SRSF11: variants seen among roughly 807,000 people sequenced by gnomAD.
SRSF11 encodes serine and arginine rich splicing factor 11.
Under a neutral mutation model 56.0 loss-of-function variants are expected in SRSF11, and 9 were observed. The ratio of observed to expected loss-of-function variants is 0.16; its 90% confidence interval spans 0.10 to 0.28. The LOEUF (loss-of-function observed/expected upper bound fraction) is 0.28, where lower values mean the gene tolerates loss of function less well. Ranked by LOEUF, SRSF11 falls within the 10% of genes least tolerant of loss-of-function variation. SRSF11 has a pLI of 1.00. For synonymous variants in SRSF11, 222 were observed against 215.3 expected (o/e 1.03, Z -0.27); for missense variants, 421 against 600.7 (o/e 0.70, Z 3.13).
rs767978406 is a variant in SRSF11 at position 70,252,099 on chromosome 1, A to T, written c.*1294A>T. 6.6e-6 allele frequency: 1 copy of T among 152,530 alleles called. No individual in the cohort carries two copies. Among genetic ancestry groups the T allele is most frequent in the Non-Finnish European group, 1.5e-5 (1 of 67,984 alleles). The allele number at this position is 152,530 out of a possible 1,614,324, so 9.4% of individuals were successfully genotyped here. A position where few individuals can be genotyped will look rare whatever the true frequency, so the allele number is the denominator to read the frequency against. ...TTACAAATTCTTTCCCTTTCTGTCC[A>T]CATATTTCAGTATAGTAAAAAGAGG... On this transcript the variant is annotated 3_prime_UTR_variant, in exon 12 of 12. Coordinates refer to ENST00000370949, the MANE Select transcript of SRSF11 (RefSeq NM_001350605.2).
At position 70,234,808 on chromosome 1, in the gene SRSF11, A is replaced by G. The variant is rs201325006; in HGVS notation, c.540+20A>G. 4.8e-3 allele frequency: 7,438 copies of G among 1,554,788 alleles called. 87 individuals are homozygous for G. The highest frequency in any genetic ancestry group is 0.029 in the South Asian group (2,413 of 83,212). ...TCTCAGGTATACCTTAGTAACTTCA[A>G]ATTTTTCACCCATTTTTACAGAAGA... On this transcript the variant is annotated intron_variant, in intron 4 of 11. Coordinates refer to ENST00000370949, the MANE Select transcript of SRSF11 (RefSeq NM_001350605.2).
chr1:70,223,203 G>T (rs937972387), intron 1 of SRSF11, among the ~76,000 whole-genome samples: 3 of 152,160 alleles, frequency 2.0e-5, no homozygotes, highest in Non-Finnish European at 2.9e-5. Flanking sequence ...TACATTGGAT[G>T]ATTTTAATAG....
rs772292933 is a variant in SRSF11 at position 70,228,379 on chromosome 1, C to T, written c.204-43C>T. ...GTTTGTGAATTAGCATTTGTTTTAA[C>T]TGCTATTCTGTTTCTCTTTTATGTT... is the stretch of plus-strand genomic sequence containing the variant. On this transcript the variant is annotated intron_variant, in intron 1 of 11. Coordinates refer to ENST00000370949, the MANE Select transcript of SRSF11 (RefSeq NM_001350605.2). 5.5e-6 allele frequency: 8 copies of T among 1,451,850 alleles called. No homozygotes were observed. In the East Asian group the frequency reaches 1.4e-4, roughly 25 times the overall value. 89.9% of individuals were successfully genotyped at this position (1,451,850 alleles called of 1,614,324 possible).
rs567189710 is a variant in SRSF11, at chr1:70,214,981, C to T, written c.-25-6631C>T. ...TGGCACAATCTCAGCTTACTGCAGCCTCCGCCTCCTGGGTTCAAGTGATTC... is the reference window on the plus strand; with the variant it reads ...TGGCACAATCTCAGCTTACTGCAGCTTCCGCCTCCTGGGTTCAAGTGATTC... On this transcript the variant is annotated intron_variant, in intron 1 of 12. Transcript: ENST00000370950. Among the ~76,000 whole-genome samples, 12 of 151,232 alleles carry T rather than the reference C, an allele frequency of 7.9e-5. 1 individual carries two copies. The highest frequency in any genetic ancestry group is 4.2e-4 in the South Asian group (2 of 4,788).
intron 7 of SRSF11, among the ~76,000 whole-genome samples, chr1:70,241,845 A>G (rs1166651852): frequency 6.6e-6 from 1 of 152,176 alleles, no homozygotes; most frequent in East Asian, 1.9e-4. Flanking sequence ...TACAATTTAT[A>G]TGTGTTTCCT....
At position 70,221,883 on chromosome 1, in the gene SRSF11, G is replaced by T. The variant is rs542574000; in HGVS notation, c.203+44G>T. ...CACTGTTCCTGCTAACGCCGCCTCA[G>T]CCTGGGCCTAACACACACAATTTCC... is the stretch of plus-strand genomic sequence containing the variant. On this transcript the variant is annotated intron_variant, in intron 1 of 11. Transcript: ENST00000370949. The T allele has an allele frequency of 1.6e-4, 260 of 1,609,722 alleles. 1 individual carries two copies. The South Asian group carries it at 2.6e-3, about 16-fold the overall frequency.
intron 8 of SRSF11, among the ~76,000 whole-genome samples, chr1:70,246,140 T>C (rs1676694008): frequency 6.7e-6 from 1 of 150,116 alleles, no homozygotes; most frequent in Non-Finnish European, 1.5e-5. Context: ...AAGAGGGGGG[T>C]TGTTATGAGA....
chr1:70,230,532 C>T (rs1672647389), intron 2 of SRSF11: 2 of 1,251,702 alleles, frequency 1.6e-6, no homozygotes, highest in Non-Finnish European at 2.1e-6. Context: ...GTTTCTTTTT[C>T]TTTCATTTCT....
intron 5 of SRSF11, 46 bp downstream of exon 5, chr1:70,235,596 G>A: frequency 1.3e-6 from 2 of 1,576,922 alleles, no homozygotes; most frequent in Non-Finnish European, 8.6e-7. Context: ...GTATCTGAAT[G>A]TCTACAGAAT....
intron 1 of SRSF11, 91 bp downstream of exon 1, chr1:70,221,930 C>G (rs562448820): frequency 6.5e-7 from 1 of 1,537,328 alleles, no homozygotes; most frequent in Admixed American, 1.9e-5. Context: ...TCGCTGCTTC[C>G]CCGGGCCAGG....
intron 4 of SRSF11, 48 bp downstream of exon 4, chr1:70,234,836 T>C: frequency 6.9e-7 from 1 of 1,455,422 alleles, no homozygotes; most frequent in Non-Finnish European, 9.4e-7. Context: ...ACAGAAGATC[T>C]GTTTCATTAA....
chr1:70,246,830 A>G lies in SRSF11; in HGVS notation c.945A>G (p.Lys315=). 1 of 1,609,382 alleles carries G rather than the reference A, an allele frequency of 6.2e-7. No homozygotes were observed. Among genetic ancestry groups the G allele is most frequent in the Non-Finnish European group, 8.5e-7 (1 of 1,178,058 alleles). The part of the protein sequence containing the change: ...RSTSKTRDKK[K]EDKEKKRSKT... ...GTTCATTTGTTAGAGACAAAAAGAA[A>G]GAAGACAAAGAAAAGAAACGTTCTA... The change falls in exon 9 of 12, where the codon AAA becomes AAG. Residue 315 remains lysine, a synonymous_variant. Transcript: ENST00000370949.
intron 1 of SRSF11, among the ~76,000 whole-genome samples, chr1:70,208,230 G>GA (rs558331413): frequency 6.6e-6 from 1 of 151,804 alleles, no homozygotes; most frequent in Non-Finnish European, 1.5e-5. Flanking sequence ...GAGTAATTCT[G>GA]AAAAAAAATC....
chr1:70,226,727 A>G (rs765628540), intron 1 of SRSF11, among the ~76,000 whole-genome samples: 1 of 152,220 alleles, frequency 6.6e-6, no homozygotes, highest in African/African-American at 2.4e-5. Flanking sequence ...GTGAAGTGCC[A>G]TAGCTTACTA....
intron 11 of SRSF11, 31 bp downstream of exon 11, chr1:70,250,534 T>G (rs41287906): frequency 2.4e-4 from 385 of 1,607,654 alleles, no homozygotes; most frequent in Non-Finnish European, 3.1e-4. Flanking sequence ...ATTTTTATAT[T>G]TGGGGTGATG....
intron 1 of SRSF11, among the ~76,000 whole-genome samples, 161 bp downstream of exon 1, chr1:70,222,000 A>G (rs564775956): frequency 5.5e-4 from 83 of 152,206 alleles, no homozygotes; most frequent in African/African-American, 2.0e-3. Context: ...CAGGCCTACA[A>G]AAAAATGCAG....
At chr1:70,250,120 T>A (rs1341053400) in intron 10 of SRSF11, 73 bp downstream of exon 10, 1 of 1,428,964 alleles carries the variant, frequency 7.0e-7, no homozygotes, top group South Asian at 1.2e-5. Flanking sequence ...TGTCCTGTAG[T>A]TTTTCTTTTC....
upstream of SRSF11, among the ~76,000 whole-genome samples, chr1:70,216,890 T>C (rs1000298905): frequency 3.3e-5 from 5 of 152,236 alleles, no homozygotes; most frequent in African/African-American, 9.6e-5. Context: ...CTCTCTGAAG[T>C]ATAAACTGGA....
At chr1:70,207,221 C>G (rs1163398811) in intron 1 of SRSF11, among the ~76,000 whole-genome samples, 1 of 152,070 alleles carries the variant, frequency 6.6e-6, no homozygotes, top group Non-Finnish European at 1.5e-5. Flanking sequence ...ACCGTAGCAG[C>G]TTTTGCAACG....
Sources: gnomAD v4.1 joint callset for allele counts (sites outside exome capture counted in the v4.1 genomes callset) on GRCh38, gnomAD v4.1.1 for gene constraint, MANE v1.5 for transcripts, NCBI Gene and HGNC (gene_info 2026-07-23, HGNC 2026-07-21) for gene names.